The following MAP4K4 variants were observed in gnomAD, a reference collection of about 807,000 sequenced individuals.
The protein encoded by MAP4K4 is HPK/GCK-like kinase HGK.
A neutral mutation model predicts 189.6 loss-of-function variants in MAP4K4; 38 were observed. The ratio of observed to expected loss-of-function variants is 0.20; its 90% CI spans 0.15 to 0.26. MAP4K4 has a LOEUF of 0.26. MAP4K4 is among the 10% of genes least tolerant of loss of function. The pLI is 1.00. For missense variants in MAP4K4, 1,054 were observed against 1,726.9 expected, an observed-to-expected ratio of 0.61 and a Z score of 6.91; for synonymous variants, 610 against 624.3, an observed-to-expected ratio of 0.98 and a Z score of 0.34.
intron 5 of MAP4K4, among the ~76,000 whole-genome samples, chr2:101,826,751 T>C (rs1424275020): frequency 6.6e-6 from 1 of 152,208 alleles, no homozygotes; most frequent in Non-Finnish European, 1.5e-5. Context: ...ACTTACTTTC[T>C]CCTCATCTAT....
chr2:101,711,376 T>A (rs1276270326), intron 2 of MAP4K4, among the ~76,000 whole-genome samples: 1 of 152,106 alleles, frequency 6.6e-6, no homozygotes, highest in Non-Finnish European at 1.5e-5. Context: ...TGCCTCAGCC[T>A]GTCATGTAGC....
exon 33 of MAP4K4, chr2:101,891,328 C>G (rs916558479): frequency 7.0e-6 from 9 of 1,277,388 alleles, no homozygotes; most frequent in Non-Finnish European, 1.0e-5. Flanking sequence ...AACTGGAGCT[C>G]GGAGCTGCAC....
chr2:101,847,362 C>T (rs2097142275), intron 12 of MAP4K4, among the ~76,000 whole-genome samples: 1 of 152,166 alleles, frequency 6.6e-6, no homozygotes, highest in Non-Finnish European at 1.5e-5. Context: ...GCAAAAGAGC[C>T]TTAGGCAGGT....
At chr2:101,835,028 A>G (rs1283336954) in intron 8 of MAP4K4, among the ~76,000 whole-genome samples, 1 of 152,230 alleles carries the variant, frequency 6.6e-6, no homozygotes, top group Non-Finnish European at 1.5e-5. Context: ...AAAAAGGTAT[A>G]CACAAAGAAT....
chr2:101,872,858 C>G (rs573516432), intron 24 of MAP4K4, among the ~76,000 whole-genome samples: 1 of 152,186 alleles, frequency 6.6e-6, no homozygotes, highest in African/African-American at 2.4e-5. Flanking sequence ...CACATTCTTC[C>G]TTATATTTAT....
chr2:101,722,275 G>A (rs890411013), intron 2 of MAP4K4, among the ~76,000 whole-genome samples: 2 of 152,186 alleles, frequency 1.3e-5, no homozygotes, highest in Non-Finnish European at 2.9e-5. Context: ...GGATTATTCT[G>A]ATGTGCCTTT....
At chr2:101,830,223 C>A (rs766958994) in intron 6 of MAP4K4, among the ~76,000 whole-genome samples, 1 of 152,052 alleles carries the variant, frequency 6.6e-6, no homozygotes, top group African/African-American at 2.4e-5. Flanking sequence ...GTTACTGTCT[C>A]CTTTGCCAGA....
chr2:101,703,705 A>G (rs1462158906), intron 2 of MAP4K4, among the ~76,000 whole-genome samples: 1 of 150,536 alleles, frequency 6.6e-6, no homozygotes, highest in Non-Finnish European at 1.5e-5. Context: ...TGCCATATAG[A>G]TTGTCTGGCT....
At chr2:101,866,328 C>G (rs1249420882) in intron 18 of MAP4K4, 100 bp from the exon 19 acceptor site, 2 of 1,153,726 alleles carry the variant, frequency 1.7e-6, no homozygotes, top group Non-Finnish European at 2.5e-6. Context: ...TCTCCCTACA[C>G]TTTAAAGACA....
chr2:101,708,011 T>A lies in MAP4K4; in HGVS notation c.123+9473T>A, dbSNP rs548266839. 2.6e-5 allele frequency among the ~76,000 whole-genome samples: 4 copies of A among 152,200 alleles called. No homozygotes were observed. In the East Asian group the frequency reaches 7.7e-4, roughly 29 times the overall value. ...CCATCGCGCCCAGCCCACGTCCAGC[T>A]AATTTTTAAAATTTTTAGTAGAGAT... On this transcript the variant is annotated intron_variant, in intron 2 of 32. Transcript: ENST00000324219.
chr2:101,746,026 T>C (rs1339292315), intron 2 of MAP4K4, among the ~76,000 whole-genome samples: 2 of 151,696 alleles, frequency 1.3e-5, no homozygotes, highest in Non-Finnish European at 2.9e-5. Context: ...AGTTTCACTT[T>C]GTCACACAAG....
At chr2:101,770,240 A>ATTTTTTTT (rs34574782) in intron 2 of MAP4K4, among the ~76,000 whole-genome samples, 11 of 75,158 alleles carry the variant, frequency 1.5e-4, no homozygotes, top group East Asian at 8.7e-4. Context: ...GTTCATTCTG[A>ATTTTTTTT]TTTTTTTTTT....
exon 33 of MAP4K4, chr2:101,892,611 A>G (rs1577585984): frequency 7.0e-6 from 2 of 287,016 alleles, no homozygotes; most frequent in East Asian, 9.6e-5. Context: ...TAAAAATGCA[A>G]TGCACTAAAA....
intron 3 of MAP4K4, among the ~76,000 whole-genome samples, 179 bp from the exon 4 acceptor site, chr2:101,823,749 C>T (rs1286491976): frequency 6.6e-6 from 1 of 152,112 alleles, no homozygotes; most frequent in Non-Finnish European, 1.5e-5. Flanking sequence ...AATCACACTT[C>T]AAAGGATGAG....
At chr2:101,745,438 TAAAAAAAAA>T (rs10678749) in intron 2 of MAP4K4, among the ~76,000 whole-genome samples, 1 of 91,700 alleles carries the variant, frequency 1.1e-5, no homozygotes, top group Non-Finnish European at 2.2e-5. Context: ...TGCCCCCAGG[TAAAAAAAAA>T]AAAAAAAAAA....
intron 2 of MAP4K4, among the ~76,000 whole-genome samples, chr2:101,790,165 G>T (rs566090250): frequency 6.6e-6 from 1 of 152,252 alleles, no homozygotes; most frequent in Non-Finnish European, 1.5e-5. Flanking sequence ...AAGACTTTCA[G>T]TGTAATTCTT....
At chr2:101,875,520 C>A (rs990542214) in intron 26 of MAP4K4, among the ~76,000 whole-genome samples, 2 of 152,148 alleles carry the variant, frequency 1.3e-5, no homozygotes, top group African/African-American at 4.8e-5. Flanking sequence ...GTTGTTCTCT[C>A]AATGCCGTCA....
intron 2 of MAP4K4, among the ~76,000 whole-genome samples, chr2:101,720,185 GTT>G (rs35562520): frequency 0.034 from 4,608 of 136,384 alleles, 242 homozygotes; most frequent in African/African-American, 0.11. Flanking sequence ...GGTCAGTGGT[GTT>G]TTTTTTTTTT....
intron 2 of MAP4K4, among the ~76,000 whole-genome samples, chr2:101,751,771 A>T (rs532738158): frequency 6.6e-6 from 1 of 152,226 alleles, no homozygotes; most frequent in Non-Finnish European, 1.5e-5. Context: ...AGACACCTGT[A>T]GGTAGGGTAG....
Sources: gnomAD v4.1 joint callset for allele counts (sites outside exome capture counted in the v4.1 genomes callset) on GRCh38, gnomAD v4.1.1 for gene constraint, MANE v1.5 for transcripts, NCBI Gene and HGNC (gene_info 2026-07-23, HGNC 2026-07-21) for gene names.